FBXO47: variants seen among roughly 807,000 people sequenced by gnomAD.
FBXO47 encodes F-box only protein 47.
A neutral mutation model predicts 53.9 loss-of-function variants in FBXO47; 34 were observed. The ratio of observed to expected loss-of-function variants is 0.63; its 90% CI spans 0.48 to 0.84. The LOEUF is 0.84. Ranked by LOEUF, FBXO47 falls within the 40% of genes least tolerant of loss-of-function variation. The probability of loss-of-function intolerance (pLI) is 0.00; values close to 1 mark genes in which losing one functional copy is unlikely to be tolerated. For missense variants in FBXO47, 485 were observed against 541.3 expected (o/e 0.90, Z 1.03); for synonymous variants, 165 against 181.6 (o/e 0.91, Z 0.73).
At chr17:38,965,488 C>T (rs1383839686) in intron 1 of FBXO47, among the ~76,000 whole-genome samples, 9 of 152,088 alleles carry the variant, frequency 5.9e-5, no homozygotes, top group African/African-American at 2.2e-4. Flanking sequence ...GTGAAAAGTA[C>T]ACTCTGAACC....
chr17:38,938,436 A>T, intron 10 of FBXO47, 137 bp downstream of exon 10: 1 of 612,318 alleles, frequency 1.6e-6, no homozygotes. Context: ...GTTAGTTTTT[A>T]TTTTTTAAAG....
chr17:38,943,565 C>A, intron 8 of FBXO47, 25 bp downstream of exon 8: 1 of 1,411,056 alleles, frequency 7.1e-7, no homozygotes, highest in South Asian at 1.4e-5. Flanking sequence ...TTCTATTATT[C>A]TATGTTAGTA....
intron 7 of FBXO47, 91 bp from the exon 8 acceptor site, chr17:38,943,827 C>A: frequency 9.2e-7 from 1 of 1,087,492 alleles, no homozygotes; most frequent in Non-Finnish European, 1.3e-6. Context: ...ACAATGGAAT[C>A]CCATTACTTA....
Position 38,943,770 on chromosome 17 carries a change from T to C in FBXO47, c.794-34A>G, listed in dbSNP as rs746196932. The C allele has an allele frequency of 1.1e-5, 17 of 1,574,228 alleles. No homozygotes were observed. In the African/African-American group the frequency reaches 2.4e-4, roughly 22 times the overall value. On this transcript the variant is annotated intron_variant, in intron 7 of 10. Coordinates refer to ENST00000378079, the MANE Select transcript of FBXO47 (RefSeq NM_001008777.3). ...AAACAAAAACGAGGCTATGACAGAA[T>C]AGTTGGCTTTGTGATAAAGACTTGT...
intron 1 of FBXO47, among the ~76,000 whole-genome samples, 189 bp downstream of exon 1, chr17:38,967,040 T>A (rs948175247): frequency 6.6e-6 from 1 of 151,872 alleles, no homozygotes; most frequent in East Asian, 1.9e-4. Context: ...ATAAAACTCT[T>A]GTAAGGGCCC....
intron 6 of FBXO47, among the ~76,000 whole-genome samples, chr17:38,945,941 A>AT (rs1904740926): frequency 7.4e-6 from 1 of 134,400 alleles, no homozygotes; most frequent in African/African-American, 2.7e-5. Flanking sequence ...GGCTCAAAAA[A>AT]AAAAAAAATA....
chr17:38,944,595 G>A (rs1475595314), intron 7 of FBXO47, among the ~76,000 whole-genome samples: 5 of 151,368 alleles, frequency 3.3e-5, no homozygotes, highest in East Asian at 1.9e-4. Flanking sequence ...CCAGCTACTC[G>A]GGTGGCTGAG....
intron 4 of FBXO47, among the ~76,000 whole-genome samples, chr17:38,955,958 C>CAAAAAA (rs34218216): frequency 6.6e-5 from 2 of 30,268 alleles, no homozygotes; most frequent in South Asian, 1.3e-3. Context: ...ACTCCATCTC[C>CAAAAAA]AAAAAAAAAA....
At chr17:38,964,643 C>G (rs1451518203) in intron 1 of FBXO47, among the ~76,000 whole-genome samples, 1 of 151,844 alleles carries the variant, frequency 6.6e-6, no homozygotes, top group Non-Finnish European at 1.5e-5. Context: ...CCTGGGGCAA[C>G]ACAGTGAGAC....
chr17:38,939,293 CAAAAAAAA>C (rs1218321299), intron 9 of FBXO47, among the ~76,000 whole-genome samples: 34 of 34,844 alleles, frequency 9.8e-4, no homozygotes, highest in African/African-American at 3.9e-3. Flanking sequence ...ACTCCATCTC[CAAAAAAAA>C]AAAAAAAAAA....
intron 1 of FBXO47, 35 bp downstream of exon 1, chr17:38,967,194 G>C (rs577625232): frequency 1.3e-5 from 2 of 152,068 alleles, no homozygotes; most frequent in South Asian, 4.2e-4. Context: ...TGAAATTATC[G>C]CAATAAAATA....
In FBXO47 at chr17:38,954,938, A is replaced by G. The variant is rs771097450; in HGVS notation, c.430-5T>C. 60 of 1,601,716 alleles carry G rather than the reference A, an allele frequency of 3.7e-5. No individual in the cohort carries two copies. Among genetic ancestry groups the G allele is most frequent in the Middle Eastern group, 1.7e-4 (1 of 5,912 alleles). ...ATTGAATTTAAAGCAGGAAACCTGT[A>G]AAGAAAACAATGTTAATACCTCCTT... On this transcript the variant is annotated splice_region_variant and splice_polypyrimidine_tract_variant and intron_variant, in intron 4 of 10. Transcript: ENST00000378079.
intron 4 of FBXO47, among the ~76,000 whole-genome samples, chr17:38,956,527 G>A (rs1177903820): frequency 6.6e-6 from 1 of 151,354 alleles, no homozygotes; most frequent in Non-Finnish European, 1.5e-5. Context: ...GGTGGAGGTT[G>A]CAGTGAGCCA....
At chr17:38,948,959 C>T (rs966133588) in intron 6 of FBXO47, among the ~76,000 whole-genome samples, 7 of 151,990 alleles carry the variant, frequency 4.6e-5, no homozygotes, top group African/African-American at 1.7e-4. Flanking sequence ...AGCTATTCTT[C>T]CTGATGCTCT....
At chr17:38,949,447 A>C (rs1598143459) in intron 6 of FBXO47, among the ~76,000 whole-genome samples, 2 of 149,194 alleles carry the variant, frequency 1.3e-5, no homozygotes, top group Admixed American at 1.3e-4. Context: ...AACAAAACAA[A>C]ACAACAATAA....
rs1180974675 is a variant in FBXO47 at position 38,953,156 on chromosome 17, CACACACACACAA to C, written c.508-1479_508-1468del. ...ACACACACACACACACACACACACA[CACACACACACAA>C]AATAGCTAGGTGTGGTGGCAGGCCC... On this transcript the variant is annotated intron_variant, in intron 5 of 10. Coordinates refer to ENST00000378079, the MANE Select transcript of FBXO47 (RefSeq NM_001008777.3). Among the ~76,000 whole-genome samples the C allele has an allele frequency of 1.1e-3, 160 of 148,382 alleles. 1 individual carries two copies. The highest frequency in any genetic ancestry group is 3.5e-3 in the African/African-American group (140 of 40,082).
chr17:38,948,207 A>ATTTTT (rs869282186), intron 6 of FBXO47, among the ~76,000 whole-genome samples: 3 of 89,294 alleles, frequency 3.4e-5, no homozygotes, highest in Admixed American at 1.4e-4. Flanking sequence ...CCTATTCTGG[A>ATTTTT]TTTTTTTTTT....
chr17:38,956,225 T>C (rs1014516423), intron 4 of FBXO47, among the ~76,000 whole-genome samples: 5 of 151,992 alleles, frequency 3.3e-5, no homozygotes, highest in South Asian at 4.1e-4. Flanking sequence ...GAGTAATGAA[T>C]TGGATGACAG....
chr17:38,962,752 T>C, intron 2 of FBXO47, 93 bp downstream of exon 2: 1 of 829,696 alleles, frequency 1.2e-6, no homozygotes, highest in Admixed American at 3.0e-5. Flanking sequence ...TCATTAACAT[T>C]TTAGCATGGC....
Sources: gnomAD v4.1 joint callset for allele counts (sites outside exome capture counted in the v4.1 genomes callset) on GRCh38, gnomAD v4.1.1 for gene constraint, MANE v1.5 for transcripts, NCBI Gene and HGNC (gene_info 2026-07-23, HGNC 2026-07-21) for gene names.